Variants in CFAP77 observed in about 807,000 individuals in gnomAD.
The protein encoded by CFAP77 is cilia- and flagella-associated protein 77.
CFAP77 carries 25 observed loss-of-function variants against 31.1 expected under a neutral mutation model. The ratio of observed to expected loss-of-function variants is 0.80; its 90% CI spans 0.59 to 1.12. The LOEUF (loss-of-function observed/expected upper bound fraction) is 1.12. Among genes scored for constraint, CFAP77 ranks in the 50% most tolerant of loss-of-function variants. The pLI, the probability that CFAP77 is intolerant of heterozygous loss-of-function variation, is 0.00. For missense variants in CFAP77, 377 were observed against 397.3 expected (o/e 0.95, Z 0.44); for synonymous variants, 151 against 159.9 (o/e 0.94, Z 0.42).
intron 3 of CFAP77, among the ~76,000 whole-genome samples, chr9:132,500,152 CA>C (rs563485823): frequency 0.17 from 14,464 of 84,830 alleles, 795 homozygotes; most frequent in African/African-American, 0.25. Context: ...ACCCTGTCTC[CA>C]AAAAAAAAAA....
chr9:132,548,351 A>G (rs1216184705), intron 5 of CFAP77, among the ~76,000 whole-genome samples: 4 of 152,096 alleles, frequency 2.6e-5, no homozygotes, highest in Admixed American at 6.6e-5. Context: ...TTCAATGAGT[A>G]GATGCAGCTT....
rs143463724 is a variant in CFAP77, at chr9:132,451,173, C to T, written c.195+40707C>T. 7.3e-3 allele frequency among the ~76,000 whole-genome samples: 1,111 copies of T among 152,068 alleles called. 8 individuals carry two copies. The highest frequency in any genetic ancestry group is 0.025 in the African/African-American group (1,024 of 41,484). On this transcript the variant is annotated intron_variant, in intron 1 of 5. Coordinates refer to ENST00000393216, the MANE Select transcript of CFAP77 (RefSeq NM_001282957.2). ...CCAACATGGTGAAACCCCGTCTCTA[C>T]TATGAATACAAAAAATTAGCCGGGC...
In CFAP77 at chr9:132,532,774, C is replaced by A. The variant is rs192024454; in HGVS notation, c.525-4827C>A. ...ATCTTTGAAAAACACATAAACCAGG[C>A]GTGGTGGTTCACACCTGTGATCCCA... is the stretch of plus-strand genomic sequence containing the variant. On this transcript the variant is annotated intron_variant, in intron 3 of 5. Coordinates refer to ENST00000393216, the MANE Select transcript of CFAP77 (RefSeq NM_001282957.2). 7.1e-3 allele frequency among the ~76,000 whole-genome samples: 1,074 copies of A among 152,204 alleles called. 14 individuals are homozygous for A. Among genetic ancestry groups the A allele is most frequent in the African/African-American group, 0.024 (1,012 of 41,510 alleles).
At chr9:132,523,125 T>G in intron 3 of CFAP77, among the ~76,000 whole-genome samples, 1 of 151,570 alleles carries the variant, frequency 6.6e-6, no homozygotes, top group African/African-American at 2.4e-5. Context: ...TTTCACTCTG[T>G]TGTCCAGGCT....
chr9:132,519,620 T>TGGG lies in CFAP77; in HGVS notation c.525-17981_525-17980insGGG, dbSNP rs1852225802. 6.9e-3 allele frequency among the ~76,000 whole-genome samples: 173 copies of TGGG among 24,904 alleles called. 1 individual carries two copies. The highest frequency in any genetic ancestry group is 0.024 in the African/African-American group (145 of 6,158). The allele number at this position is 24,904 out of a possible 152,430, so 16.3% of individuals were successfully genotyped here. ...GATGGATGGATGGATGGATGGATGG[T>TGGG]TGGGTGGGTAGGTGGATGGGCAGAT... is the stretch of plus-strand genomic sequence containing the variant. On this transcript the variant is annotated intron_variant, in intron 3 of 5. Coordinates refer to ENST00000393216, the MANE Select transcript of CFAP77 (RefSeq NM_001282957.2).
At chr9:132,477,436 A>G (rs1026981745) in intron 1 of CFAP77, among the ~76,000 whole-genome samples, 1 of 152,246 alleles carries the variant, frequency 6.6e-6, no homozygotes, top group African/African-American at 2.4e-5. Flanking sequence ...ATGATGACCC[A>G]AATTCATCAG....
Position 132,517,268 on chromosome 9 carries a change from C to A in CFAP77, c.524+17668C>A, listed in dbSNP as rs1198911876. On this transcript the variant is annotated intron_variant, in intron 3 of 5. Transcript: ENST00000393216. This position sits in a 1 kb window ranked among gnomAD's most constrained non-coding sequence, Gnocchi z 4.7. ...CTCAGCTGCGAGGGTGCCAGCAACTCCCCGGCCCCCGGGAGCAGCAGACTG... is the reference window on the plus strand; with the variant it reads ...CTCAGCTGCGAGGGTGCCAGCAACTACCCGGCCCCCGGGAGCAGCAGACTG... Among the ~76,000 whole-genome samples, 1 of 152,210 alleles carries A rather than the reference C, an allele frequency of 6.6e-6. No individual in the cohort carries two copies. Among genetic ancestry groups the A allele is most frequent in the African/African-American group, 2.4e-5 (1 of 41,462 alleles).
chr9:132,430,817 AAAG>A (rs1321813995), intron 1 of CFAP77, among the ~76,000 whole-genome samples: 3 of 152,308 alleles, frequency 2.0e-5, no homozygotes, highest in Non-Finnish European at 2.9e-5. Flanking sequence ...GTAAAAAAAA[AAAG>A]AAGATGCTAG....
chr9:132,421,017 T>C (rs1564197982), intron 1 of CFAP77, among the ~76,000 whole-genome samples: 1 of 141,914 alleles, frequency 7.0e-6, no homozygotes, highest in Non-Finnish European at 1.6e-5. Context: ...TTTTTTTTTT[T>C]TTTTTTTTGA....
Position 132,486,000 on chromosome 9 carries a change from A to ATGTATGTGTG in CFAP77, c.196-12694_196-12693insGTATGTGTGT, listed in dbSNP as rs1346404587. On this transcript the variant is annotated intron_variant, in intron 1 of 5. Transcript: ENST00000393216. ...ACACACACCTCATATATATATATAT[A>ATGTATGTGTG]TATATATATATATATATATATATAT... Among the ~76,000 whole-genome samples, 32 of 8,624 alleles carry ATGTATGTGTG rather than the reference A, an allele frequency of 3.7e-3. 8 individuals carry two copies. In the Middle Eastern group the frequency reaches 0.12, roughly 31 times the overall value. The allele number at this position is 8,624 out of a possible 152,430, so 5.7% of individuals were successfully genotyped here.
rs149590838 is a variant in CFAP77 at position 132,520,022 on chromosome 9, G to C, written c.525-17579G>C. On this transcript the variant is annotated intron_variant, in intron 3 of 5. Transcript: ENST00000393216. ...CATTCATGAGGTGCACTGCCCTTCT[G>C]CTGTCCCCTTCCTCCCCCTGAAATG... Among the ~76,000 whole-genome samples the C allele has an allele frequency of 7.0e-3, 1,068 of 152,004 alleles. 13 individuals are homozygous for C. Among genetic ancestry groups the C allele is most frequent in the African/African-American group, 0.025 (1,022 of 41,432 alleles).
intron 1 of CFAP77, among the ~76,000 whole-genome samples, chr9:132,489,689 A>T (rs1851621824): frequency 6.6e-6 from 1 of 152,184 alleles, no homozygotes; most frequent in South Asian, 2.1e-4. Context: ...CTCAGCCTCC[A>T]CATGGCCCAA....
intron 1 of CFAP77, among the ~76,000 whole-genome samples, chr9:132,458,644 C>G (rs1398566465): frequency 9.1e-6 from 1 of 110,320 alleles, no homozygotes; most frequent in African/African-American, 3.6e-5. Flanking sequence ...CCTCCTGTGT[C>G]CAGTAGGGTC....
rs1829861333 is a variant in CFAP77 at position 132,564,460 on chromosome 9, G to C, written c.733-7928G>C. 6.6e-6 allele frequency among the ~76,000 whole-genome samples: 1 copy of C among 152,192 alleles called. No individual in the cohort carries two copies. ...CTAACTGATAAAATTGCCTGGAAAT[G>C]TAAAATCACGCTTATAAATAACTTA... On this transcript the variant is annotated intron_variant, in intron 5 of 5. Coordinates refer to ENST00000393216, the MANE Select transcript of CFAP77 (RefSeq NM_001282957.2). The surrounding 1 kb of genome is among the most constrained non-coding windows in gnomAD (Gnocchi z 4.6).
chr9:132,529,548 C>T (rs923843291), intron 3 of CFAP77, among the ~76,000 whole-genome samples: 9 of 149,970 alleles, frequency 6.0e-5, no homozygotes, highest in East Asian at 3.9e-4. Context: ...CATACTTGGC[C>T]GGGCACGGTG....
rs908278762 is a variant in CFAP77, at chr9:132,554,064, T to G, written c.732+11017T>G. ...CCCCACGGGATGGGTAGTATGACCC[T>G]TACTTTGCAGGTGAGAAACTGAGGC... On this transcript the variant is annotated intron_variant, in intron 5 of 5. Coordinates refer to ENST00000393216, the MANE Select transcript of CFAP77 (RefSeq NM_001282957.2). The surrounding 1 kb of genome is among the most constrained non-coding windows in gnomAD (Gnocchi z 4.1). Among the ~76,000 whole-genome samples the G allele has an allele frequency of 1.3e-5, 2 of 152,178 alleles. No individual in the cohort carries two copies. Among genetic ancestry groups the G allele is most frequent in the African/African-American group, 2.4e-5 (1 of 41,444 alleles).
intron 1 of CFAP77, among the ~76,000 whole-genome samples, chr9:132,453,672 G>T (rs899310235): frequency 6.6e-6 from 1 of 152,190 alleles, no homozygotes; most frequent in African/African-American, 2.4e-5. Flanking sequence ...CAGTGTGGGG[G>T]CTGGAGCCAG....
rs1852596568 is a variant in CFAP77 at position 132,539,093 on chromosome 9, A to T, written c.630+1387A>T. Among the ~76,000 whole-genome samples the T allele has an allele frequency of 6.6e-6, 1 of 152,210 alleles. No individual in the cohort carries two copies. The highest frequency in any genetic ancestry group is 2.4e-5 in the African/African-American group (1 of 41,448). ...CAGAGCAAGACTCCGTCTCGATAAA[A>T]AAATAAATAAATAAAAATAAATAAA... On this transcript the variant is annotated intron_variant, in intron 4 of 5. Coordinates refer to ENST00000393216, the MANE Select transcript of CFAP77 (RefSeq NM_001282957.2). The surrounding 1 kb of genome is among the most constrained non-coding windows in gnomAD (Gnocchi z 4.3).
intron 5 of CFAP77, among the ~76,000 whole-genome samples, chr9:132,563,896 C>T (rs1829855149): frequency 6.6e-6 from 1 of 152,164 alleles, no homozygotes. Flanking sequence ...TCAGATTTCC[C>T]CTCTGGAAAC....
Sources: gnomAD v4.1 joint callset for allele counts (sites outside exome capture counted in the v4.1 genomes callset) on GRCh38, gnomAD v4.1.1 for gene constraint, Gnocchi (gnomAD v3.1) non-coding constraint, MANE v1.5 for transcripts, NCBI Gene and HGNC (gene_info 2026-07-23, HGNC 2026-07-21) for gene names.